Variants in ERBB4 observed in about 807,000 individuals in gnomAD.
ERBB4 encodes the protein erb-b2 receptor tyrosine kinase 4.
In ERBB4, 42 loss-of-function variants were observed where a neutral mutation model predicts 158.0. That is an observed-to-expected ratio of 0.27 (90% CI 0.21 to 0.34). ERBB4 has a LOEUF of 0.34. Ranked by LOEUF, ERBB4 falls within the 10% of genes least tolerant of loss-of-function variation. ERBB4 has a pLI of 1.00. For missense variants in ERBB4, 1,333 were observed against 1,624.1 expected (o/e 0.82, Z 3.08); for synonymous variants, 583 against 558.7 (o/e 1.04, Z -0.61).
chr2:211,431,434 T>A (rs1291280730), intron 20 of ERBB4, among the ~76,000 whole-genome samples: 1 of 152,208 alleles, frequency 6.6e-6, no homozygotes, highest in Non-Finnish European at 1.5e-5. Flanking sequence ...AGCTAACATA[T>A]GCTTGGATTG....
intron 2 of ERBB4, among the ~76,000 whole-genome samples, chr2:211,955,842 C>CAATT (rs2081012414): frequency 6.6e-6 from 1 of 152,066 alleles, no homozygotes. Context: ...GAGTGCTGCC[C>CAATT]AATTCATGAA....
intron 1 of ERBB4, among the ~76,000 whole-genome samples, chr2:212,444,364 C>A (rs2092309945): frequency 6.6e-6 from 1 of 152,098 alleles, no homozygotes. Flanking sequence ...GAGAAATGGC[C>A]AGATGTGCGA....
Position 211,741,501 on chromosome 2 carries a change from T to TAGAGAG in ERBB4, c.622+9132_622+9137dup, listed in dbSNP as rs575541868. On this transcript the variant is annotated intron_variant, in intron 5 of 27. Transcript: ENST00000342788. Reference sequence around the variant, plus strand: ...CACACACTAGATGACAGACAGATGATAGAGAGAGAGAGAGAGAAAGATAAG... The same window carrying TAGAGAG: ...CACACACTAGATGACAGACAGATGATAGAGAGAGAGAGAGAGAGAGAGAAAGATAAG... Among the ~76,000 whole-genome samples the TAGAGAG allele has an allele frequency of 5.1e-5, 7 of 138,512 alleles. No individual in the cohort carries two copies. In the East Asian group the frequency reaches 1.4e-3, roughly 28 times the overall value. 90.9% of individuals were successfully genotyped at this position (138,512 alleles called of 152,430 possible). A position where few individuals can be genotyped will look rare whatever the true frequency, so the allele number is the denominator to read the frequency against.
At chr2:211,397,230 G>T (rs1284510777) in intron 25 of ERBB4, among the ~76,000 whole-genome samples, 1 of 151,930 alleles carries the variant, frequency 6.6e-6, no homozygotes, top group Non-Finnish European at 1.5e-5. Context: ...CATATAAAAA[G>T]GAAGAGGAAA....
chr2:211,534,359 C>T (rs1851179), intron 20 of ERBB4, among the ~76,000 whole-genome samples: 48,605 of 151,720 alleles, frequency 0.32, 8,559 homozygotes, highest in East Asian at 0.65. Flanking sequence ...TATTTTATCT[C>T]TCTTATTTTT....
intron 3 of ERBB4, among the ~76,000 whole-genome samples, chr2:211,929,835 T>C (rs550021085): frequency 6.6e-5 from 10 of 152,314 alleles, no homozygotes; most frequent in East Asian, 3.9e-4. Flanking sequence ...TCTATACATA[T>C]GCATCTATAC....
chr2:212,387,035 A>T (rs551279157), intron 1 of ERBB4, among the ~76,000 whole-genome samples: 2 of 152,208 alleles, frequency 1.3e-5, no homozygotes, highest in South Asian at 4.1e-4. Context: ...AAAGTGGGGT[A>T]TTTTAACCAT....
intron 2 of ERBB4, among the ~76,000 whole-genome samples, chr2:212,085,737 T>G (rs2078585419): frequency 6.6e-6 from 1 of 151,964 alleles, no homozygotes; most frequent in African/African-American, 2.4e-5. Context: ...AATATTTATT[T>G]ATAAGGAAGG....
intron 19 of ERBB4, among the ~76,000 whole-genome samples, chr2:211,586,049 C>A (rs941629817): frequency 7.9e-5 from 12 of 152,132 alleles, no homozygotes; most frequent in Admixed American, 4.6e-4. Flanking sequence ...ATTACCTCTT[C>A]TTCCTATCAA....
intron 20 of ERBB4, among the ~76,000 whole-genome samples, chr2:211,542,557 T>G (rs936440379): frequency 2.0e-5 from 3 of 152,020 alleles, no homozygotes; most frequent in Non-Finnish European, 4.4e-5. Context: ...TAAATATTAA[T>G]AAAAATAGAA....
rs376603781 is a variant in ERBB4, at chr2:211,874,286, A to T, written c.421+73144T>A. On this transcript the variant is annotated intron_variant, in intron 3 of 27. Transcript: ENST00000342788. ...CCTCTAGTTCCTTTATACTCAGCCA[A>T]TAAGAGAGCTCCTTTAATAATCTGA... Among the ~76,000 whole-genome samples, 24 of 152,328 alleles carry T rather than the reference A, an allele frequency of 1.6e-4. 1 individual carries two copies. In the East Asian group the frequency reaches 4.6e-3, roughly 29 times the overall value.
At chr2:211,406,664 A>T (rs1425351861) in intron 25 of ERBB4, among the ~76,000 whole-genome samples, 1 of 152,200 alleles carries the variant, frequency 6.6e-6, no homozygotes, top group African/African-American at 2.4e-5. Context: ...CCAGGCTTCC[A>T]GGTTTTGTCA....
intron 20 of ERBB4, among the ~76,000 whole-genome samples, chr2:211,534,796 A>C (rs1263791036): frequency 4.6e-5 from 7 of 152,066 alleles, no homozygotes; most frequent in African/African-American, 1.7e-4. Flanking sequence ...GGCAGACGAA[A>C]ACAGATGGGA....
chr2:211,717,674 CA>C (rs2073963378), intron 7 of ERBB4, among the ~76,000 whole-genome samples: 1 of 124,698 alleles, frequency 8.0e-6, no homozygotes, highest in South Asian at 2.8e-4. Flanking sequence ...ACTAAAAATA[CA>C]AAAATTAGCT....
chr2:211,513,054 T>C (rs770322448), intron 20 of ERBB4, among the ~76,000 whole-genome samples: 6 of 152,004 alleles, frequency 3.9e-5, no homozygotes, highest in Admixed American at 6.5e-5. Flanking sequence ...ATCTACCTCT[T>C]AGGGTCTTAC....
intron 1 of ERBB4, among the ~76,000 whole-genome samples, chr2:212,202,315 G>A (rs1466132640): frequency 6.6e-6 from 1 of 151,992 alleles, no homozygotes; most frequent in East Asian, 1.9e-4. Flanking sequence ...GGCATACATA[G>A]GCACTGAGGA....
intron 25 of ERBB4, among the ~76,000 whole-genome samples, chr2:211,392,402 A>G (rs1018897256): frequency 1.3e-5 from 2 of 152,134 alleles, no homozygotes; most frequent in African/African-American, 4.8e-5. Flanking sequence ...AATGGCTGGG[A>G]AAAGCCTACT....
chr2:211,862,535 C>T (rs1054866282), intron 3 of ERBB4, among the ~76,000 whole-genome samples: 2 of 151,746 alleles, frequency 1.3e-5, no homozygotes, highest in Non-Finnish European at 2.9e-5. Flanking sequence ...GACAACACTG[C>T]ATAATTGAAA....
chr2:212,332,782 G>T (rs2088241301), intron 1 of ERBB4, among the ~76,000 whole-genome samples: 4 of 151,990 alleles, frequency 2.6e-5, no homozygotes, highest in Admixed American at 2.6e-4. Context: ...CAAGAATTGG[G>T]TTAATAAAAA....
Sources: allele counts gnomAD v4.1 joint callset (sites outside exome capture counted in the v4.1 genomes callset), GRCh38; gene constraint gnomAD v4.1.1; transcripts MANE v1.5; gene names NCBI Gene and HGNC (gene_info 2026-07-23, HGNC 2026-07-21).